KSR1: variants seen among roughly 807,000 people sequenced by gnomAD.
KSR1 encodes kinase suppressor of ras 1, also known as kinase suppressor of ras.
A neutral mutation model predicts 92.9 loss-of-function variants in KSR1; 35 were observed. The ratio of observed to expected loss-of-function variants is 0.38; its 90% CI spans 0.29 to 0.50. The LOEUF is 0.50. Among genes scored for constraint, KSR1 ranks in the 20% least tolerant of loss-of-function variants. KSR1 has a pLI of 0.94. For missense variants in KSR1, 972 were observed against 1,158.5 expected (o/e 0.84, Z 2.34); for synonymous variants, 467 against 472.6 (o/e 0.99, Z 0.15).
chr17:27,506,204 G>A (rs1292174630), intron 1 of KSR1, among the ~76,000 whole-genome samples: 1 of 152,170 alleles, frequency 6.6e-6, no homozygotes, highest in Non-Finnish European at 1.5e-5. Context: ...TCGGTTTTGG[G>A]TTTTGGAGTC....
intron 2 of KSR1, among the ~76,000 whole-genome samples, chr17:27,552,528 C>T (rs991157608): frequency 1.3e-5 from 2 of 152,036 alleles, no homozygotes; most frequent in African/African-American, 4.8e-5. Flanking sequence ...GGATCATAGC[C>T]CCAAAGAACC....
At chr17:27,526,296 G>A in intron 1 of KSR1, 1 of 880,658 alleles carries the variant, frequency 1.1e-6, no homozygotes, top group Non-Finnish European at 1.7e-6. Context: ...TTTCCTAGTT[G>A]TCGCTCTGTT....
At chr17:27,601,939 T>A (rs770563780) in intron 11 of KSR1, 1 of 1,607,658 alleles carries the variant, frequency 6.2e-7, no homozygotes, top group Non-Finnish European at 8.5e-7. Flanking sequence ...TTGCAGAAAG[T>A]TTAAAGGAAA....
At chr17:27,560,270 AT>A (rs1004657935) in intron 2 of KSR1, 447 of 374,312 alleles carry the variant, frequency 1.2e-3, no homozygotes, top group Middle Eastern at 1.8e-3. Context: ...GCATGGAGCC[AT>A]TTTTTTTTTC....
At chr17:27,503,465 G>C (rs1193690994) in intron 1 of KSR1, among the ~76,000 whole-genome samples, 2 of 152,192 alleles carry the variant, frequency 1.3e-5, no homozygotes, top group Non-Finnish European at 2.9e-5. Context: ...TTGGGAGGCC[G>C]AGGTGGGCAA....
At chr17:27,479,827 A>G (rs1326329121) in intron 1 of KSR1, among the ~76,000 whole-genome samples, 1 of 152,146 alleles carries the variant, frequency 6.6e-6, no homozygotes, top group Admixed American at 6.5e-5. Context: ...GTGCTGTGGC[A>G]TGAGAATGAC....
At chr17:27,539,638 C>T (rs924139706) in intron 1 of KSR1, among the ~76,000 whole-genome samples, 1 of 152,190 alleles carries the variant, frequency 6.6e-6, no homozygotes, top group Non-Finnish European at 1.5e-5. Flanking sequence ...CCTTTGTTGC[C>T]GTTATTCAAT....
intron 1 of KSR1, among the ~76,000 whole-genome samples, chr17:27,545,946 A>G (rs1207678599): frequency 1.3e-5 from 2 of 152,246 alleles, no homozygotes; most frequent in Admixed American, 6.5e-5. Flanking sequence ...AATCACTCCC[A>G]GAGGCAGGAC....
intron 6 of KSR1, 27 bp downstream of exon 6, chr17:27,588,562 G>A: frequency 6.4e-7 from 1 of 1,570,624 alleles, no homozygotes; most frequent in Non-Finnish European, 8.6e-7. Context: ...TGGAGGGGGA[G>A]CAGGGCACAG....
At chr17:27,470,998 G>A (rs997424939) in intron 1 of KSR1, among the ~76,000 whole-genome samples, 2 of 152,040 alleles carry the variant, frequency 1.3e-5, no homozygotes, top group African/African-American at 4.8e-5. Flanking sequence ...AGCCTCCTGA[G>A]TAGCTGGGAG....
At chr17:27,534,848 T>G (rs2070698978) in intron 1 of KSR1, among the ~76,000 whole-genome samples, 1 of 152,224 alleles carries the variant, frequency 6.6e-6, no homozygotes, top group Admixed American at 6.5e-5. Flanking sequence ...TGCAATATTA[T>G]TCCTGGGTTT....
rs144468583 is a variant in KSR1, at chr17:27,588,318, G to T, written c.986-157G>T. ...CACACCATGCCACTGGGCTAGCCTG[G>T]CCTGCTCCTGTGTTGATGGACATAG... On this transcript the variant is annotated intron_variant, in intron 5 of 20. Transcript: ENST00000644974. 125 of 544,630 alleles carry T rather than the reference G, an allele frequency of 2.3e-4. 1 individual carries two copies. Among genetic ancestry groups the T allele is most frequent in the African/African-American group, 2.2e-3 (113 of 51,642 alleles). The allele number at this position is 544,630 out of a possible 1,614,324, so 33.7% of individuals were successfully genotyped here. A position where few individuals can be genotyped will look rare whatever the true frequency, so the allele number is the denominator to read the frequency against.
chr17:27,538,117 T>G (rs986603669), intron 1 of KSR1, among the ~76,000 whole-genome samples: 35 of 152,202 alleles, frequency 2.3e-4, no homozygotes, highest in Non-Finnish European at 7.3e-5. Context: ...TGTTGTAGGT[T>G]TTCTGGAAGC....
At chr17:27,465,553 G>C (rs935225905) in intron 1 of KSR1, 1 of 152,056 alleles carries the variant, frequency 6.6e-6, no homozygotes, top group Non-Finnish European at 1.5e-5. Flanking sequence ...AAGAGATAAA[G>C]ACCCGTGTTT....
At chr17:27,496,901 T>TG (rs1477384031) in intron 1 of KSR1, among the ~76,000 whole-genome samples, 4 of 152,338 alleles carry the variant, frequency 2.6e-5, no homozygotes, top group Admixed American at 2.0e-4. Flanking sequence ...GATGAGAGTG[T>TG]GGGCCAGCAG....
intron 9 of KSR1, among the ~76,000 whole-genome samples, chr17:27,593,482 T>TGGCCATGTGGCTCAGGCC (rs1384997501): frequency 5.3e-5 from 8 of 152,238 alleles, no homozygotes; most frequent in African/African-American, 1.9e-4. Context: ...TGGCTGTGGC[T>TGGCCATGTGGCTCAGGCC]GGCCATGTGG....
chr17:27,522,958 C>T (rs2070102663), intron 1 of KSR1, among the ~76,000 whole-genome samples: 1 of 152,284 alleles, frequency 6.6e-6, no homozygotes, highest in East Asian at 1.9e-4. Flanking sequence ...CTGCTACCAT[C>T]ATGTTAGGTA....
At chr17:27,623,163 G>T in intron 20 of KSR1, 151 bp from the exon 21 acceptor site, 1 of 673,292 alleles carries the variant, frequency 1.5e-6, no homozygotes. Context: ...GTATGACCAG[G>T]GGCAGCTCTG....
At chr17:27,476,671 C>T (rs1366789412) in intron 1 of KSR1, among the ~76,000 whole-genome samples, 3 of 152,198 alleles carry the variant, frequency 2.0e-5, no homozygotes, top group Non-Finnish European at 4.4e-5. Context: ...GGTCCCACTG[C>T]CCCCACTCTG....
Sources: allele counts gnomAD v4.1 joint callset (sites outside exome capture counted in the v4.1 genomes callset), GRCh38; gene constraint gnomAD v4.1.1; transcripts MANE v1.5; gene names NCBI Gene and HGNC (gene_info 2026-07-23, HGNC 2026-07-21).